PCSK5: variants seen among roughly 807,000 people sequenced by gnomAD.
PCSK5 encodes proprotein convertase subtilisin/kexin type 5.
A neutral mutation model predicts 233.2 loss-of-function variants in PCSK5; 129 were observed. The ratio of observed to expected loss-of-function variants is 0.55; its 90% CI spans 0.48 to 0.64. The LOEUF is 0.64. Ranked by LOEUF, PCSK5 falls within the 30% of genes least tolerant of loss-of-function variation. The pLI is 0.00. For synonymous variants in PCSK5, 825 were observed against 879.2 expected (o/e 0.94, Z 1.09); for missense variants, 2,076 against 2,430.1 (o/e 0.85, Z 3.06).
intron 35 of PCSK5, among the ~76,000 whole-genome samples, chr9:76,341,940 T>C (rs1486659253): frequency 6.6e-6 from 1 of 152,216 alleles, no homozygotes; most frequent in Non-Finnish European, 1.5e-5. Flanking sequence ...GCTCTGGTCT[T>C]ATGTAAAACA....
At chr9:75,996,815 G>T (rs1461984772) in intron 3 of PCSK5, among the ~76,000 whole-genome samples, 6 of 141,400 alleles carry the variant, frequency 4.2e-5, no homozygotes, top group Non-Finnish European at 7.6e-5. Flanking sequence ...TGTTAACAAA[G>T]TTTTTTTTTT....
intron 9 of PCSK5, among the ~76,000 whole-genome samples, chr9:76,129,637 A>T (rs1031828963): frequency 2.0e-5 from 3 of 152,170 alleles, no homozygotes; most frequent in African/African-American, 7.2e-5. Flanking sequence ...TTGTTTTTAA[A>T]GACCACCAGA....
At chr9:76,159,419 C>G (rs578053322) in intron 12 of PCSK5, among the ~76,000 whole-genome samples, 11 of 152,326 alleles carry the variant, frequency 7.2e-5, no homozygotes, top group African/African-American at 2.6e-4. Context: ...GCCACTTGTT[C>G]TTGATCCTAC....
chr9:76,334,944 G>T (rs1256364676), intron 34 of PCSK5, among the ~76,000 whole-genome samples: 1 of 152,136 alleles, frequency 6.6e-6, no homozygotes, highest in Non-Finnish European at 1.5e-5. Context: ...AGGGTGTGCA[G>T]GCAGGCACCT....
rs72745133 is a variant in PCSK5 at position 76,354,501 on chromosome 9, C to T, written c.5254+282C>T. 0.19 allele frequency among the ~76,000 whole-genome samples: 28,797 copies of T among 152,130 alleles called. 3,601 individuals carry two copies. Among genetic ancestry groups the T allele is most frequent in the Non-Finnish European group, 0.28 (18,844 of 67,986 alleles). ...TTAAAAGTTTCATCTGGGGACTAGG[C>T]GTGGTGGCTCACGCCTGTAAATAAT... On this transcript the variant is annotated intron_variant, in intron 37 of 37. Transcript: ENST00000674117.
intron 3 of PCSK5, among the ~76,000 whole-genome samples, chr9:75,991,755 A>G (rs1299443071): frequency 6.6e-6 from 1 of 152,144 alleles, no homozygotes; most frequent in African/African-American, 2.4e-5. Context: ...TTCACGACTA[A>G]AGAAAACTCA....
chr9:76,311,338 A>G (rs1828859898), intron 30 of PCSK5, among the ~76,000 whole-genome samples: 1 of 151,464 alleles, frequency 6.6e-6, no homozygotes. Flanking sequence ...ATGACAAAGC[A>G]GGACCCTGTC....
rs947853426 is a variant in PCSK5, at chr9:76,362,548, G to C, written c.*3626G>C. ...TCTGTCTTTCTGCCTCATCAGCACT[G>C]CCTCAATCTAAGGGAGGAAACCACC... On this transcript the variant is annotated 3_prime_UTR_variant, in exon 38 of 38. Coordinates refer to ENST00000674117, the MANE Select transcript of PCSK5 (RefSeq NM_001372043.1). Among the ~76,000 whole-genome samples, 1 of 152,082 alleles carries C rather than the reference G, an allele frequency of 6.6e-6. No individual in the cohort carries two copies. The highest frequency in any genetic ancestry group is 1.5e-5 in the Non-Finnish European group (1 of 68,018).
In PCSK5 at chr9:76,345,310, G is replaced by A. The variant is rs530554982; in HGVS notation, c.4967-5518G>A. Among the ~76,000 whole-genome samples the A allele has an allele frequency of 1.4e-4, 22 of 151,866 alleles. No homozygotes were observed. The South Asian group carries it at 4.4e-3, about 30-fold the overall frequency. On this transcript the variant is annotated intron_variant, in intron 35 of 37. Coordinates refer to ENST00000674117, the MANE Select transcript of PCSK5 (RefSeq NM_001372043.1). Reference sequence around the variant, plus strand: ...TGCAGTGATGCAATCTTGGCTCACCGCAGTTTCCGCCTGCCGGGTTCAAGG... The same window carrying A: ...TGCAGTGATGCAATCTTGGCTCACCACAGTTTCCGCCTGCCGGGTTCAAGG...
At chr9:75,892,292 A>T (rs1825642940) in intron 1 of PCSK5, among the ~76,000 whole-genome samples, 1 of 152,140 alleles carries the variant, frequency 6.6e-6, no homozygotes, top group Non-Finnish European at 1.5e-5. Flanking sequence ...ACAGATTTGG[A>T]AGTACTCCGG....
chr9:75,966,540 T>A (rs1440377258), intron 2 of PCSK5, among the ~76,000 whole-genome samples: 1 of 152,222 alleles, frequency 6.6e-6, no homozygotes, highest in African/African-American at 2.4e-5. Context: ...TTCTTCTCGC[T>A]ATAGAGGTAG....
chr9:76,216,354 A>C (rs2131293885), intron 20 of PCSK5, among the ~76,000 whole-genome samples: 1 of 152,328 alleles, frequency 6.6e-6, no homozygotes, highest in South Asian at 2.1e-4. Flanking sequence ...AAATGTTTTG[A>C]TGAGTCAAGC....
intron 20 of PCSK5, among the ~76,000 whole-genome samples, chr9:76,191,719 A>AGGCTT (rs1824388778): frequency 6.6e-6 from 1 of 152,166 alleles, no homozygotes; most frequent in African/African-American, 2.4e-5. Context: ...GGGGTGATAA[A>AGGCTT]GGCTTGGGGT....
At chr9:76,192,734 A>G (rs1316167681) in intron 20 of PCSK5, among the ~76,000 whole-genome samples, 1 of 152,246 alleles carries the variant, frequency 6.6e-6, no homozygotes, top group Non-Finnish European at 1.5e-5. Flanking sequence ...AATGTTACAT[A>G]AGTATAACAA....
intron 24 of PCSK5, among the ~76,000 whole-genome samples, chr9:76,280,699 G>A (rs1827836923): frequency 6.6e-6 from 1 of 151,994 alleles, no homozygotes; most frequent in Admixed American, 6.6e-5. Context: ...TCACACCACT[G>A]CACTCCAGCC....
chr9:76,083,340 C>G (rs573872031), intron 7 of PCSK5, among the ~76,000 whole-genome samples: 1 of 151,554 alleles, frequency 6.6e-6, no homozygotes, highest in African/African-American at 2.4e-5. Flanking sequence ...AGGAGCATAG[C>G]TTATAGGGTT....
At position 76,293,800 on chromosome 9, in the gene PCSK5, A is replaced by C. The variant is rs146073423; in HGVS notation, c.3186-1475A>C. Among the ~76,000 whole-genome samples, 515 of 152,406 alleles carry C rather than the reference A, an allele frequency of 3.4e-3. 3 individuals carry two copies. The highest frequency in any genetic ancestry group is 4.8e-3 in the Non-Finnish European group (326 of 68,050). On this transcript the variant is annotated intron_variant, in intron 25 of 37. Transcript: ENST00000674117. ...AAATACCCTGGAAGAACATGCTCCA[A>C]TATCACTAAGGGTACAACATGAGAT...
chr9:76,282,792 C>T (rs1232836936), intron 24 of PCSK5, among the ~76,000 whole-genome samples: 2 of 152,058 alleles, frequency 1.3e-5, no homozygotes, highest in African/African-American at 4.8e-5. Context: ...CATAGTAGTC[C>T]CCAGTGTCTG....
At chr9:76,120,365 C>G (rs1466048795) in intron 9 of PCSK5, among the ~76,000 whole-genome samples, 1 of 152,050 alleles carries the variant, frequency 6.6e-6, no homozygotes, top group Non-Finnish European at 1.5e-5. Flanking sequence ...TAGAACCAGT[C>G]TTTTGTGTTC....
Sources: gnomAD v4.1 joint callset for allele counts (sites outside exome capture counted in the v4.1 genomes callset) on GRCh38, gnomAD v4.1.1 for gene constraint, MANE v1.5 for transcripts, NCBI Gene and HGNC (gene_info 2026-07-23, HGNC 2026-07-21) for gene names.